CLCA2: variants seen among roughly 807,000 people sequenced by gnomAD.
CLCA2 encodes calcium-activated chloride channel regulator 2.
CLCA2 carries 85 observed loss-of-function variants against 82.9 expected under a neutral mutation model. That is an observed-to-expected ratio of 1.03 (90% confidence interval 0.86 to 1.23). The LOEUF (loss-of-function observed/expected upper bound fraction) is 1.23. Ranked by LOEUF, CLCA2 falls within the 50% of genes most tolerant of loss-of-function variation. CLCA2 has a pLI of 0.00. For synonymous variants in CLCA2, 421 were observed against 391.7 expected (o/e 1.07, Z -0.88); for missense variants, 1,089 against 1,124.8 (o/e 0.97, Z 0.45).
intron 4 of CLCA2, among the ~76,000 whole-genome samples, chr1:86,431,268 A>T (rs1662493015): frequency 6.6e-6 from 1 of 152,160 alleles, no homozygotes; most frequent in African/African-American, 2.4e-5. Flanking sequence ...CACTTTGATT[A>T]GTTTCTTGTT....
At chr1:86,447,803 TATC>T in intron 11 of CLCA2, 25 bp downstream of exon 11, 1 of 1,600,368 alleles carries the variant, frequency 6.2e-7, no homozygotes, top group Non-Finnish European at 8.5e-7. Flanking sequence ...CATGACATTT[TATC>T]ATCTTCTCAA....
chr1:86,441,458 C>T lies in CLCA2; in HGVS notation c.1403C>T (p.Pro468Leu), dbSNP rs777701119. 1.2e-6 allele frequency: 2 copies of T among 1,605,676 alleles called. No homozygotes were observed. The highest frequency in any genetic ancestry group is 1.7e-6 in the Non-Finnish European group (2 of 1,173,712). The change falls in exon 9 of 14, where the codon CCA (proline) becomes CTA (leucine). Residue 468 changes from proline to leucine, a missense_variant. Physicochemically the swap from Pro to Leu is moderately conservative, Grantham distance 98. Coordinates refer to ENST00000370565, the MANE Select transcript of CLCA2 (RefSeq NM_006536.7). Reference sequence around the variant, plus strand: ...TCAGGAGGTTTAAAGTTCTTTGTTCCAGATATATCAAACTCCAATAGCATG... The same window carrying T: ...TCAGGAGGTTTAAAGTTCTTTGTTCTAGATATATCAAACTCCAATAGCATG... ...RLTGGLKFFV[P>L]DISNSNSMID...
chr1:86,429,254 A>T (rs1570252253), intron 3 of CLCA2, among the ~76,000 whole-genome samples: 1 of 152,188 alleles, frequency 6.6e-6, no homozygotes, highest in East Asian at 1.9e-4. Context: ...GACACTGAGG[A>T]TTTCCTATGC....
At chr1:86,455,040 T>C (rs751883279) in intron 13 of CLCA2, 45 bp from the exon 14 acceptor site, 13 of 1,152,176 alleles carry the variant, frequency 1.1e-5, no homozygotes, top group South Asian at 3.5e-5. Context: ...CTAGAAAATA[T>C]ACTCAAAGTG....
chr1:86,443,197 G>T (rs12087823), intron 9 of CLCA2, among the ~76,000 whole-genome samples: 14,186 of 151,938 alleles, frequency 0.093, 746 homozygotes, highest in Middle Eastern at 0.16. Flanking sequence ...TGACTAATTT[G>T]TTGGTATTTT....
chr1:86,438,788 C>A, intron 6 of CLCA2, 88 bp from the exon 7 acceptor site: 2 of 1,018,494 alleles, frequency 2.0e-6, no homozygotes, highest in Non-Finnish European at 3.0e-6. Context: ...AAAGAATTAG[C>A]AGAGATGTTT....
intron 5 of CLCA2, among the ~76,000 whole-genome samples, chr1:86,434,001 G>T (rs3765980): frequency 1.0e-4 from 13 of 130,106 alleles, no homozygotes; most frequent in Admixed American, 2.3e-4. Flanking sequence ...AAATTGAGTG[G>T]GGGTGGGGGA....
chr1:86,450,518 CTACTA>C, intron 11 of CLCA2, 40 bp from the exon 12 acceptor site: 13 of 1,434,492 alleles, frequency 9.1e-6, no homozygotes, highest in Non-Finnish European at 1.2e-5. Context: ...TATTAGTAAT[CTACTA>C]TAATAACAAG....
At chr1:86,425,264 T>A in intron 1 of CLCA2, 75 bp from the exon 2 acceptor site, 1 of 1,087,398 alleles carries the variant, frequency 9.2e-7, no homozygotes, top group African/African-American at 1.6e-5. Flanking sequence ...TTTATTACTG[T>A]TTAAGCATAC....
intron 2 of CLCA2, among the ~76,000 whole-genome samples, chr1:86,427,146 A>G (rs994372691): frequency 7.9e-5 from 12 of 152,174 alleles, no homozygotes; most frequent in African/African-American, 2.9e-4. Context: ...GTAGGTAGGA[A>G]TCATGGAAGG....
chr1:86,455,113 AAGTCTAC>A lies in CLCA2; in HGVS notation c.2421_2427del (p.Ser807ArgfsTer12). 6.3e-7 allele frequency: 1 copy of A among 1,578,474 alleles called. No individual in the cohort carries two copies. Among genetic ancestry groups the A allele is most frequent in the Non-Finnish European group, 8.6e-7 (1 of 1,160,872 alleles). On this transcript the variant is annotated frameshift_variant, in exon 14 of 14. Transcript: ENST00000370565. LOFTEE classifies it low-confidence loss of function (END_TRUNC). ...CAAGCTATGAAATAAGAATGAGTAA[AAGTCTAC>A]AGAATATCCAAGATGACTTTAACAA...
rs752278385 is a variant in CLCA2, at chr1:86,455,313, C to T, written c.2618C>T (p.Ser873Phe). The T allele has an allele frequency of 2.5e-6, 4 of 1,613,858 alleles. No homozygotes were observed. The Admixed American group carries it at 6.7e-5, about 27-fold the overall frequency. The stretch of plus-strand genomic sequence containing the variant: ...GCAATACGAGCAATGGATAGGAACT[C>T]CTTACAGTCTGCTGTATCTAACATT... ...YVAIRAMDRN[S>F]LQSAVSNIAQ... The change falls in exon 14 of 14, where the codon TCC becomes TTC. Residue 873 changes from serine to phenylalanine, a missense_variant. Transcript: ENST00000370565.
chr1:86,436,922 C>G (rs1662623628), intron 6 of CLCA2, among the ~76,000 whole-genome samples: 1 of 152,156 alleles, frequency 6.6e-6, no homozygotes, highest in African/African-American at 2.4e-5. Context: ...CATGATTGGT[C>G]AGGCTGGTCT....
chr1:86,447,289 A>T (rs1019666836), intron 10 of CLCA2, among the ~76,000 whole-genome samples: 1 of 152,204 alleles, frequency 6.6e-6, no homozygotes, highest in African/African-American at 2.4e-5. Flanking sequence ...CTAAAGAATT[A>T]TCTAGAAATA....
At chr1:86,432,307 CA>C in intron 4 of CLCA2, 61 bp from the exon 5 acceptor site, 1 of 1,562,466 alleles carries the variant, frequency 6.4e-7, no homozygotes, top group African/African-American at 1.4e-5. Context: ...ATAAGCTAGT[CA>C]ACAAGAAACA....
intron 11 of CLCA2, among the ~76,000 whole-genome samples, chr1:86,448,733 T>A (rs1662905345): frequency 6.6e-6 from 1 of 152,250 alleles, no homozygotes; most frequent in Admixed American, 6.5e-5. Context: ...AAAAGTTCAT[T>A]CAAAGGGTTT....
chr1:86,443,693 A>G, intron 9 of CLCA2, 94 bp from the exon 10 acceptor site: 1 of 918,720 alleles, frequency 1.1e-6, no homozygotes, highest in South Asian at 1.8e-5. Context: ...AATTATTTTT[A>G]TTTTTGCCAA....
intron 11 of CLCA2, chr1:86,448,555 C>T (rs1450865934): frequency 6.6e-6 from 1 of 152,228 alleles, no homozygotes; most frequent in Non-Finnish European, 1.5e-5. Context: ...AAATTACATT[C>T]TTAGAATGGC....
chr1:86,455,569 T>C lies in CLCA2; in HGVS notation c.*42T>C, dbSNP rs1663061116. On this transcript the variant is annotated 3_prime_UTR_variant, in exon 14 of 14. Transcript: ENST00000370565. ...TCTTCCTTCTTAGATATAAGACCCA[T>C]GGCCTTCGACTACAAAAACATACTA... 3.8e-6 allele frequency: 5 copies of C among 1,307,888 alleles called. No homozygotes were observed. The highest frequency in any genetic ancestry group is 4.0e-6 in the Non-Finnish European group (4 of 988,118). The allele number at this position is 1,307,888 out of a possible 1,614,324, so 81.0% of individuals were successfully genotyped here. A position where few individuals can be genotyped will look rare whatever the true frequency, so the allele number is the denominator to read the frequency against.
Sources: allele counts gnomAD v4.1 joint callset (sites outside exome capture counted in the v4.1 genomes callset), GRCh38; gene constraint gnomAD v4.1.1; transcripts MANE v1.5; gene names NCBI Gene and HGNC (gene_info 2026-07-23, HGNC 2026-07-21).